The following JARID2 variants were observed in gnomAD, a reference collection of about 807,000 sequenced individuals.
JARID2 encodes the protein protein Jumonji.
A neutral mutation model predicts 125.6 loss-of-function variants in JARID2; 21 were observed. The observed-to-expected ratio is 0.17, with a 90% CI of 0.12 to 0.24. JARID2 has a LOEUF of 0.24. JARID2 is among the 10% of genes least tolerant of loss of function. The pLI, the probability that JARID2 is intolerant of heterozygous loss-of-function variation, is 1.00. For synonymous variants in JARID2, 736 were observed against 661.6 expected (o/e 1.11, Z -1.73); for missense variants, 1,303 against 1,639.6 (o/e 0.79, Z 3.55).
At chr6:15,498,012 C>G (rs1581647897) in intron 7 of JARID2, among the ~76,000 whole-genome samples, 1 of 152,148 alleles carries the variant, frequency 6.6e-6, no homozygotes, top group East Asian at 1.9e-4. Flanking sequence ...TGACCTCTTT[C>G]TAACATAATT....
chr6:15,317,225 T>C (rs1325491567), intron 1 of JARID2, among the ~76,000 whole-genome samples: 1 of 152,200 alleles, frequency 6.6e-6, no homozygotes, highest in African/African-American at 2.4e-5. Flanking sequence ...AAGAAATAGC[T>C]CTGAGGACCA....
intron 2 of JARID2, among the ~76,000 whole-genome samples, chr6:15,381,924 A>G (rs1212349070): frequency 6.6e-6 from 1 of 152,262 alleles, no homozygotes; most frequent in Admixed American, 6.5e-5. Flanking sequence ...ATGTTTTAAC[A>G]TGAGAAAAAT....
chr6:15,455,900 A>G (rs979066451), intron 4 of JARID2, among the ~76,000 whole-genome samples: 2 of 152,256 alleles, frequency 1.3e-5, no homozygotes, highest in African/African-American at 4.8e-5. Flanking sequence ...TTTGATGTCT[A>G]AAATTGCTGT....
chr6:15,268,943 A>T (rs1760192928), intron 1 of JARID2, among the ~76,000 whole-genome samples: 1 of 152,218 alleles, frequency 6.6e-6, no homozygotes, highest in South Asian at 2.1e-4. Flanking sequence ...TAAACCTCTT[A>T]AAGTCAGGCG....
chr6:15,467,217 G>C lies in JARID2; in HGVS notation c.494-1325G>C, dbSNP rs186038815. ...TCATTTTCCATTTCCTTGTCACTGA[G>C]CATATATAGTTCCGAAGCTGGACAG... is the stretch of plus-strand genomic sequence containing the variant. On this transcript the variant is annotated intron_variant, in intron 4 of 17. Coordinates refer to ENST00000341776, the MANE Select transcript of JARID2 (RefSeq NM_004973.4). Among the ~76,000 whole-genome samples, 7 of 152,276 alleles carry C rather than the reference G, an allele frequency of 4.6e-5. No homozygotes were observed. In the East Asian group the frequency reaches 1.4e-3, roughly 29 times the overall value.
chr6:15,469,867 G>C (rs1039677903), intron 5 of JARID2, among the ~76,000 whole-genome samples: 3 of 152,190 alleles, frequency 2.0e-5, no homozygotes, highest in Middle Eastern at 3.4e-3. Flanking sequence ...TGCACTGAGT[G>C]GGGGAATGAG....
At chr6:15,418,572 A>T (rs1766343682) in intron 3 of JARID2, among the ~76,000 whole-genome samples, 1 of 152,238 alleles carries the variant, frequency 6.6e-6, no homozygotes, top group African/African-American at 2.4e-5. Context: ...TTTAAAATAA[A>T]AACTCTTAAG....
At chr6:15,422,120 T>G (rs1766520516) in intron 3 of JARID2, among the ~76,000 whole-genome samples, 1 of 152,300 alleles carries the variant, frequency 6.6e-6, no homozygotes, top group South Asian at 2.1e-4. Context: ...TCCTTTTGTT[T>G]AAGGACCCTG....
At chr6:15,305,586 G>T (rs1761790803) in intron 1 of JARID2, among the ~76,000 whole-genome samples, 1 of 152,188 alleles carries the variant, frequency 6.6e-6, no homozygotes, top group Non-Finnish European at 1.5e-5. Flanking sequence ...AAACTAGAAT[G>T]TGGTTCTGAT....
chr6:15,517,294 C>T lies in JARID2; in HGVS notation c.3558+26C>T, dbSNP rs758648020. On this transcript the variant is annotated intron_variant, in intron 17 of 17. Coordinates refer to ENST00000341776, the MANE Select transcript of JARID2 (RefSeq NM_004973.4). The stretch of plus-strand genomic sequence containing the variant: ...GTCAGTCCCTGCCCGCGGGGTAGGG[C>T]AGGGCGGCAGCGTGGCGCCTTCCCT... The T allele has an allele frequency of 3.1e-5, 48 of 1,526,896 alleles. No homozygotes were observed. In the Admixed American group the frequency reaches 7.7e-4, roughly 24 times the overall value. The allele number at this position is 1,526,896 out of a possible 1,614,324, so 94.6% of individuals were successfully genotyped here.
chr6:15,398,343 A>G (rs1765293773), intron 2 of JARID2, among the ~76,000 whole-genome samples: 1 of 152,230 alleles, frequency 6.6e-6, no homozygotes, highest in Non-Finnish European at 1.5e-5. Context: ...ATGAACATGG[A>G]TGGAGCAAAG....
intron 3 of JARID2, among the ~76,000 whole-genome samples, chr6:15,430,434 T>C (rs1267525320): frequency 6.6e-6 from 1 of 152,218 alleles, no homozygotes; most frequent in Admixed American, 6.5e-5. Context: ...TACTGAGTTA[T>C]TTTCCTGCTG....
chr6:15,249,878 T>C (rs1759375211), intron 1 of JARID2, among the ~76,000 whole-genome samples: 1 of 152,162 alleles, frequency 6.6e-6, no homozygotes, highest in Non-Finnish European at 1.5e-5. Context: ...CTTAAATAAC[T>C]GAAAACATTT....
intron 1 of JARID2, among the ~76,000 whole-genome samples, chr6:15,346,723 T>A (rs1379902501): frequency 8.6e-5 from 13 of 151,222 alleles, no homozygotes; most frequent in Non-Finnish European, 1.9e-4. Flanking sequence ...AAGTTATTCC[T>A]ATTGAAGTAA....
At chr6:15,316,408 A>G (rs910992668) in intron 1 of JARID2, among the ~76,000 whole-genome samples, 8 of 152,160 alleles carry the variant, frequency 5.3e-5, no homozygotes, top group South Asian at 2.1e-4. Context: ...TTCAGTTGCT[A>G]CCCTACAGAG....
chr6:15,405,328 G>C (rs539534004), intron 2 of JARID2, among the ~76,000 whole-genome samples: 1 of 152,176 alleles, frequency 6.6e-6, no homozygotes, highest in Non-Finnish European at 1.5e-5. Flanking sequence ...CTGATGGCAG[G>C]GTTCTGTTGT....
chr6:15,300,648 G>GT (rs1761574274), intron 1 of JARID2, among the ~76,000 whole-genome samples: 1 of 149,642 alleles, frequency 6.7e-6, no homozygotes, highest in Admixed American at 6.7e-5. Context: ...TTACTGGACA[G>GT]TAGAACCTGT....
Position 15,507,246 on chromosome 6 carries a change from C to T in JARID2, c.2652C>T (p.Pro884=), listed in dbSNP as rs201160411. 23 of 1,612,554 alleles carry T rather than the reference C, an allele frequency of 1.4e-5. No individual in the cohort carries two copies. In the Admixed American group the frequency reaches 2.8e-4, roughly 20 times the overall value. ...GSGFPVGKSE[P]FSRHGWNLTV... ...GATTCCCAGTAGGAAAATCAGAACC[C>T]TTTTCGAGGTAACCTGGGATTCTCT... The change falls in exon 10 of 18, where the codon CCC becomes CCT. Residue 884 remains proline, a synonymous_variant. Transcript: ENST00000341776.
chr6:15,261,144 A>G (rs1759855852), intron 1 of JARID2, among the ~76,000 whole-genome samples: 1 of 152,206 alleles, frequency 6.6e-6, no homozygotes, highest in African/African-American at 2.4e-5. Context: ...AATACAAATG[A>G]AGACCTTAAT....
Sources: gnomAD v4.1 joint callset for allele counts (sites outside exome capture counted in the v4.1 genomes callset) on GRCh38, gnomAD v4.1.1 for gene constraint, MANE v1.5 for transcripts, NCBI Gene and HGNC (gene_info 2026-07-23, HGNC 2026-07-21) for gene names.